The following LPCAT2 variants were observed in gnomAD, a reference collection of about 807,000 sequenced individuals.
The protein encoded by LPCAT2 is lysophosphatidylcholine acyltransferase 2, also known as 1-AGP acyltransferase 11.
In LPCAT2, 58 loss-of-function variants were observed where a neutral mutation model predicts 64.7. The ratio of observed to expected loss-of-function variants is 0.90; its 90% CI spans 0.73 to 1.12. The LOEUF is 1.12. Ranked by LOEUF, LPCAT2 falls within the 50% of genes most tolerant of loss-of-function variation. LPCAT2 has a pLI of 0.00. For synonymous variants in LPCAT2, 252 were observed against 245.3 expected (o/e 1.03, Z -0.26); for missense variants, 579 against 669.8 (o/e 0.86, Z 1.50).
intron 11 of LPCAT2, among the ~76,000 whole-genome samples, chr16:55,553,523 C>A (rs1253966240): frequency 2.6e-5 from 4 of 152,274 alleles, no homozygotes; most frequent in African/African-American, 9.6e-5. Flanking sequence ...ACATCTTCAG[C>A]CTCCATTTTT....
intron 1 of LPCAT2, among the ~76,000 whole-genome samples, chr16:55,518,920 G>A (rs1179018750): frequency 4.0e-5 from 6 of 151,610 alleles, no homozygotes; most frequent in African/African-American, 1.2e-4. Flanking sequence ...AGACAGAATG[G>A]GTAAAGAGGA....
chr16:55,563,085 G>A lies in LPCAT2; in HGVS notation c.1216-11546G>A, dbSNP rs566611581. Among the ~76,000 whole-genome samples the A allele has an allele frequency of 3.3e-5, 5 of 151,994 alleles. No individual in the cohort carries two copies. The East Asian group carries it at 7.7e-4, about 23-fold the overall frequency. ...ATTTTACAGAAATAAAAAGGATGAT[G>A]AGTGAGTACTACGAACAACTGTATG... On this transcript the variant is annotated intron_variant, in intron 11 of 13. Transcript: ENST00000262134.
At chr16:55,552,802 G>T (rs1596874552) in intron 11 of LPCAT2, among the ~76,000 whole-genome samples, 1 of 152,328 alleles carries the variant, frequency 6.6e-6, no homozygotes, top group East Asian at 1.9e-4. Context: ...TCTTCTTGCT[G>T]ATGGATTGTC....
chr16:55,525,753 G>A (rs558307561), intron 2 of LPCAT2, 106 bp downstream of exon 2: 41 of 756,934 alleles, frequency 5.4e-5, no homozygotes, highest in Non-Finnish European at 7.0e-5. Flanking sequence ...TCTAACTGCT[G>A]TTAGATAAAA....
intron 1 of LPCAT2, among the ~76,000 whole-genome samples, chr16:55,510,181 A>C (rs916699738): frequency 2.0e-5 from 3 of 152,050 alleles, no homozygotes; most frequent in Admixed American, 6.5e-5. Context: ...TCAGCTTAGG[A>C]TGTTCAAGAA....
At chr16:55,574,124 A>G (rs1963801148) in intron 11 of LPCAT2, among the ~76,000 whole-genome samples, 1 of 152,200 alleles carries the variant, frequency 6.6e-6, no homozygotes, top group Non-Finnish European at 1.5e-5. Flanking sequence ...CTCCTGGTTT[A>G]CTATAGATTA....
At position 55,574,739 on chromosome 16, in the gene LPCAT2, G is replaced by A. The variant is rs772754753; in HGVS notation, c.1314+10G>A. 2.1e-5 allele frequency: 33 copies of A among 1,606,370 alleles called. No individual in the cohort carries two copies. Among genetic ancestry groups the A allele is most frequent in the Non-Finnish European group, 2.8e-5 (33 of 1,173,182 alleles). On this transcript the variant is annotated intron_variant, in intron 12 of 13. Coordinates refer to ENST00000262134, the MANE Select transcript of LPCAT2 (RefSeq NM_017839.5). ...CCAGGTGGCATTTAAGGTACTGTCA[G>A]CCCCATTGAAAGCATCTTGGTCTGC... is the stretch of plus-strand genomic sequence containing the variant.
chr16:55,579,352 CATAATA>C (rs1963864949), intron 13 of LPCAT2, 108 bp downstream of exon 13: 1 of 1,038,914 alleles, frequency 9.6e-7, no homozygotes, highest in Non-Finnish European at 1.4e-6. Flanking sequence ...TAATAATAGA[CATAATA>C]GTAATATTGA....
chr16:55,532,699 C>A, intron 5 of LPCAT2, 125 bp from the exon 6 acceptor site: 1 of 576,556 alleles, frequency 1.7e-6, no homozygotes, highest in South Asian at 2.7e-5. Context: ...CAACATTTAG[C>A]AAATGATTTC....
chr16:55,522,330 A>T (rs1963108759), intron 1 of LPCAT2, among the ~76,000 whole-genome samples: 3 of 151,736 alleles, frequency 2.0e-5, no homozygotes, highest in Admixed American at 2.0e-4. Flanking sequence ...TGAGAAATTA[A>T]TGAAGACTTA....
At chr16:55,548,809 C>T (rs188298452) in intron 9 of LPCAT2, among the ~76,000 whole-genome samples, 9 of 152,074 alleles carry the variant, frequency 5.9e-5, no homozygotes, top group African/African-American at 1.9e-4. Context: ...GCACTGTGTT[C>T]GGCTCCATTT....
At chr16:55,525,481 T>C in intron 1 of LPCAT2, 27 bp from the exon 2 acceptor site, 1 of 1,592,260 alleles carries the variant, frequency 6.3e-7, no homozygotes, top group Non-Finnish European at 8.6e-7. Context: ...TGTCCATTCA[T>C]TTATTTTTAC....
chr16:55,514,166 A>T (rs1156447984), intron 1 of LPCAT2, among the ~76,000 whole-genome samples: 1 of 152,232 alleles, frequency 6.6e-6, no homozygotes, highest in Non-Finnish European at 1.5e-5. Flanking sequence ...TGAGATGATC[A>T]TAGGGGACTT....
chr16:55,582,908 T>C lies in LPCAT2; in HGVS notation c.1451-6T>C. ...ACTTATTGGATTTTTTTTCTTTCTC[T>C]TCTAGAGGAATTTAAAAGTTTTGCC... On this transcript the variant is annotated splice_region_variant and splice_polypyrimidine_tract_variant and intron_variant, in intron 13 of 13. Transcript: ENST00000262134. 2 of 1,596,054 alleles carry C rather than the reference T, an allele frequency of 1.3e-6. No individual in the cohort carries two copies. Among genetic ancestry groups the C allele is most frequent in the Non-Finnish European group, 1.7e-6 (2 of 1,167,166 alleles).
Position 55,516,324 on chromosome 16 carries a change from C to T in LPCAT2, c.171+6972C>T, listed in dbSNP as rs541096060. Among the ~76,000 whole-genome samples the T allele has an allele frequency of 3.8e-4, 58 of 152,198 alleles. 1 individual carries two copies. The highest frequency in any genetic ancestry group is 3.4e-3 in the Middle Eastern group (1 of 294). On this transcript the variant is annotated intron_variant, in intron 1 of 13. Transcript: ENST00000262134. ...CTCCCTATATTGCCCAGACTGGTCT[C>T]AAACTCCTGGGCTCAAGCAGTCTTT... is the stretch of plus-strand genomic sequence containing the variant.
intron 11 of LPCAT2, among the ~76,000 whole-genome samples, chr16:55,561,642 A>T (rs1963638009): frequency 6.6e-6 from 1 of 151,986 alleles, no homozygotes; most frequent in African/African-American, 2.4e-5. Context: ...ATTTTATATG[A>T]CAGTCGATAT....
intron 8 of LPCAT2, among the ~76,000 whole-genome samples, chr16:55,544,525 A>T (rs1487110391): frequency 1.3e-5 from 2 of 152,196 alleles, no homozygotes; most frequent in East Asian, 1.9e-4. Flanking sequence ...TGGGGGAAAA[A>T]TTAATGAAAT....
At chr16:55,569,209 C>G (rs1567405681) in intron 11 of LPCAT2, among the ~76,000 whole-genome samples, 1 of 152,192 alleles carries the variant, frequency 6.6e-6, no homozygotes, top group Admixed American at 6.5e-5. Flanking sequence ...ACCATCATCA[C>G]CATCATACAA....
In LPCAT2 at chr16:55,531,907, TC is replaced by T. The variant is rs1431078183; in HGVS notation, c.643-4del. On this transcript the variant is annotated splice_polypyrimidine_tract_variant and splice_region_variant and intron_variant, in intron 4 of 13. Coordinates refer to ENST00000262134, the MANE Select transcript of LPCAT2 (RefSeq NM_017839.5). ...TGAAATATTAAATCTATTCCTTTTTTCCCAAGATACTAGTTTTCCCAGAAGG... is the reference window on the plus strand; with the variant it reads ...TGAAATATTAAATCTATTCCTTTTTTCCAAGATACTAGTTTTCCCAGAAGG... 8 of 1,549,164 alleles carry T rather than the reference TC, an allele frequency of 5.2e-6. No individual in the cohort carries two copies. The Admixed American group carries it at 1.3e-4, about 26-fold the overall frequency.
Sources: allele counts gnomAD v4.1 joint callset (sites outside exome capture counted in the v4.1 genomes callset), GRCh38; gene constraint gnomAD v4.1.1; transcripts MANE v1.5; gene names NCBI Gene and HGNC (gene_info 2026-07-23, HGNC 2026-07-21).